The following MAN2B2 variants were observed in gnomAD, a reference collection of about 807,000 sequenced individuals.
The protein encoded by MAN2B2 is epididymis-specific alpha-mannosidase.
A neutral mutation model predicts 117.1 loss-of-function variants in MAN2B2; 106 were observed. The ratio of observed to expected loss-of-function variants is 0.90; its 90% CI spans 0.77 to 1.06. The LOEUF is 1.06. Ranked by LOEUF, MAN2B2 falls within the 50% of genes least tolerant of loss-of-function variation. The pLI is 0.00. For synonymous variants in MAN2B2, 544 were observed against 595.1 expected, an observed-to-expected ratio of 0.91 and a Z score of 1.25; for missense variants, 1,326 against 1,381.4, an observed-to-expected ratio of 0.96 and a Z score of 0.64.
rs145331898 is a variant in MAN2B2, at chr4:6,604,944, G to A, written c.1540-111G>A. Reference sequence around the variant, plus strand: ...GAACTGGGGGCAGGGAGGAGAAATCGGCAGGATCCGAGAGATGGAAAGACA... The same window carrying A: ...GAACTGGGGGCAGGGAGGAGAAATCAGCAGGATCCGAGAGATGGAAAGACA... On this transcript the variant is annotated intron_variant, in intron 10 of 18. Transcript: ENST00000285599. 720 of 1,296,608 alleles carry A rather than the reference G, an allele frequency of 5.6e-4. 3 individuals are homozygous for A. The African/African-American group carries it at 7.6e-3, about 14-fold the overall frequency. The allele number at this position is 1,296,608 out of a possible 1,614,324, so 80.3% of individuals were successfully genotyped here. A position where few individuals can be genotyped will look rare whatever the true frequency, so the allele number is the denominator to read the frequency against.
At chr4:6,616,876 G>C (rs1711903287) in intron 16 of MAN2B2, among the ~76,000 whole-genome samples, 1 of 152,128 alleles carries the variant, frequency 6.6e-6, no homozygotes, top group South Asian at 2.1e-4. Flanking sequence ...TGTCGAGTGG[G>C]GGCCATGTCA....
At chr4:6,579,376 CCACCACTACCCTT>C (rs1726322251) in intron 3 of MAN2B2, among the ~76,000 whole-genome samples, 1 of 80,740 alleles carries the variant, frequency 1.2e-5, no homozygotes, top group Non-Finnish European at 2.8e-5. Context: ...ATCACCACCA[CCACCACTACCCTT>C]CACCATCACC....
intron 9 of MAN2B2, 73 bp downstream of exon 9, chr4:6,598,427 C>T: frequency 6.7e-7 from 1 of 1,481,754 alleles, no homozygotes; most frequent in South Asian, 1.2e-5. Context: ...GGGAGGGGCT[C>T]AACGACCCCA....
At chr4:6,602,531 G>A (rs192060858) in intron 10 of MAN2B2, among the ~76,000 whole-genome samples, 19 of 152,302 alleles carry the variant, frequency 1.2e-4, no homozygotes, top group South Asian at 2.1e-4. Context: ...CTTGGAATCC[G>A]GACGTCAGCC....
intron 17 of MAN2B2, chr4:6,618,613 TCTA>T (rs58206395): frequency 6.6e-6 from 1 of 152,534 alleles, no homozygotes; most frequent in East Asian, 1.9e-4. Flanking sequence ...CCCTCTCAGC[TCTA>T]CTATCAGGCG....
Position 6,587,049 on chromosome 4 carries a change from C to G in MAN2B2, c.445C>G (p.His149Asp), listed in dbSNP as rs748091519. ...TGGGATCCGGCCACAGTTCTCCTGG[C>G]ACGTTGACCCGTTTGGCGCCTCTGC... ...TFGIRPQFSW[H>D]VDPFGASATT... The change falls in exon 4 of 19, where the codon CAC becomes GAC. Residue 149 changes from histidine to aspartate, a missense_variant. Coordinates refer to ENST00000285599, the MANE Select transcript of MAN2B2 (RefSeq NM_015274.3). The G allele has an allele frequency of 3.7e-6, 6 of 1,613,966 alleles. No individual in the cohort carries two copies. The South Asian group carries it at 6.6e-5, about 18-fold the overall frequency.
chr4:6,598,050 C>G, intron 8 of MAN2B2, 148 bp from the exon 9 acceptor site: 1 of 821,014 alleles, frequency 1.2e-6, no homozygotes, highest in Non-Finnish European at 1.9e-6. Flanking sequence ...GCCTCAGTTC[C>G]TCCTTCTGTA....
intron 3 of MAN2B2, among the ~76,000 whole-genome samples, chr4:6,579,361 T>TCACCATCACCAC (rs1726318638): frequency 2.6e-5 from 1 of 37,972 alleles, no homozygotes; most frequent in African/African-American, 1.0e-4. Flanking sequence ...ACCACCACCA[T>TCACCATCACCAC]CACCATCACC....
intron 7 of MAN2B2, among the ~76,000 whole-genome samples, chr4:6,596,209 C>T (rs914377561): frequency 1.2e-4 from 18 of 151,828 alleles, no homozygotes; most frequent in Non-Finnish European, 8.8e-5. Context: ...GCGTGGTATC[C>T]AGGCGGGCAT....
intron 15 of MAN2B2, among the ~76,000 whole-genome samples, chr4:6,613,984 G>A (rs1449886898): frequency 6.6e-6 from 1 of 152,184 alleles, no homozygotes; most frequent in Non-Finnish European, 1.5e-5. Context: ...GTTAGGCTGA[G>A]GAGAGTCAGG....
chr4:6,579,599 CCAT>C (rs1354253444), intron 3 of MAN2B2, among the ~76,000 whole-genome samples: 3 of 151,148 alleles, frequency 2.0e-5, no homozygotes, highest in Admixed American at 6.6e-5. Flanking sequence ...ACCACTACCA[CCAT>C]CATCTTCACC....
Position 6,609,217 on chromosome 4 carries a change from C to A in MAN2B2, c.1925C>A (p.Ala642Asp), listed in dbSNP as rs374658634. 6.2e-7 allele frequency: 1 copy of A among 1,614,178 alleles called. No homozygotes were observed. The highest frequency in any genetic ancestry group is 8.5e-7 in the Non-Finnish European group (1 of 1,180,008). The part of the protein sequence containing the change: ...SDNYLFTPGK[A>D]AVPAWEAVEM... ...AACTACCTGTTCACACCGGGCAAGG[C>A]CGCGGTGCCTGCGTGGGAAGCTGTG... The change falls in exon 12 of 19, where the codon GCC becomes GAC. Residue 642 changes from alanine (A) to aspartate (D), a missense_variant. Transcript: ENST00000285599.
intron 16 of MAN2B2, among the ~76,000 whole-genome samples, chr4:6,615,484 C>A (rs28372583): frequency 0.034 from 5,228 of 152,084 alleles, 279 homozygotes; most frequent in African/African-American, 0.12. Flanking sequence ...AACCAGCTAC[C>A]CCATAGCCCC....
At chr4:6,601,521 G>C (rs946939791) in intron 10 of MAN2B2, among the ~76,000 whole-genome samples, 6 of 150,226 alleles carry the variant, frequency 4.0e-5, no homozygotes, top group Non-Finnish European at 8.9e-5. Context: ...AAAAAAGAAA[G>C]GGTACAACTC....
chr4:6,587,260 C>T (rs576801445), intron 4 of MAN2B2, 92 bp downstream of exon 4: 251 of 1,456,758 alleles, frequency 1.7e-4, no homozygotes, highest in Middle Eastern at 4.9e-4. Flanking sequence ...TGCTCTATGC[C>T]GAAGTGTTCG....
Position 6,597,210 on chromosome 4 carries a change from G to T in MAN2B2, c.1155G>T (p.Met385Ile), listed in dbSNP as rs765338622. The change falls in exon 8 of 19, where the codon ATG (methionine) becomes ATT (isoleucine). Residue 385 changes from methionine (M) to isoleucine (I), a missense_variant. Coordinates refer to ENST00000285599, the MANE Select transcript of MAN2B2 (RefSeq NM_015274.3). ...ASALLYAGES[M>I]FTRYLWPAPR... ...CCTTGTTGTATGCCGGGGAGTCCAT[G>T]TTCACACGCTACCTGTGGCCGGCCC... The T allele has an allele frequency of 1.6e-5, 25 of 1,611,100 alleles. No homozygotes were observed. Among genetic ancestry groups the T allele is most frequent in the Non-Finnish European group, 2.1e-5 (25 of 1,178,848 alleles).
intron 3 of MAN2B2, among the ~76,000 whole-genome samples, chr4:6,583,798 G>A (rs564412346): frequency 6.6e-6 from 1 of 152,332 alleles, no homozygotes; most frequent in African/African-American, 2.4e-5. Flanking sequence ...TTGATCCTAG[G>A]ACTTTATAGG....
At chr4:6,599,307 T>A (rs1338732808) in intron 9 of MAN2B2, among the ~76,000 whole-genome samples, 2 of 151,982 alleles carry the variant, frequency 1.3e-5, no homozygotes, top group East Asian at 3.9e-4. Flanking sequence ...GGTCTCACCA[T>A]GTTGCCAGGA....
At chr4:6,595,345 G>A (rs1289182168) in intron 7 of MAN2B2, among the ~76,000 whole-genome samples, 3 of 152,218 alleles carry the variant, frequency 2.0e-5, no homozygotes, top group African/African-American at 7.2e-5. Context: ...GAGAAGAAGT[G>A]CTCTCAGCCT....
Sources: allele counts gnomAD v4.1 joint callset (sites outside exome capture counted in the v4.1 genomes callset), GRCh38; gene constraint gnomAD v4.1.1; transcripts MANE v1.5; gene names NCBI Gene and HGNC (gene_info 2026-07-23, HGNC 2026-07-21).